CSMD3: variants seen among roughly 807,000 people sequenced by gnomAD.
CSMD3 encodes the protein CUB and sushi domain-containing protein 3.
Under a neutral mutation model 435.2 loss-of-function variants are expected in CSMD3, and 177 were observed. The observed-to-expected ratio is 0.41, with a 90% CI of 0.36 to 0.46. CSMD3 has a LOEUF of 0.46. Among genes scored for constraint, CSMD3 ranks in the 20% least tolerant of loss-of-function variants. The pLI is 0.34. For synonymous variants in CSMD3, 1,656 were observed against 1,520.5 expected, an observed-to-expected ratio of 1.09 and a Z score of -2.07; for missense variants, 4,265 against 4,504.6, an observed-to-expected ratio of 0.95 and a Z score of 1.52.
At chr8:112,496,361 A>G (rs1221238866) in intron 30 of CSMD3, among the ~76,000 whole-genome samples, 2 of 152,242 alleles carry the variant, frequency 1.3e-5, no homozygotes, top group African/African-American at 4.8e-5. Flanking sequence ...GATGTAAATT[A>G]GTACAGCCAC....
intron 1 of CSMD3, among the ~76,000 whole-genome samples, chr8:113,367,990 C>T (rs1365530944): frequency 6.6e-6 from 1 of 152,002 alleles, no homozygotes; most frequent in African/African-American, 2.4e-5. Context: ...GGGCTGAGTC[C>T]TATTGCTACC....
chr8:113,024,265 G>A (rs2086791750), intron 5 of CSMD3, among the ~76,000 whole-genome samples: 1 of 151,204 alleles, frequency 6.6e-6, no homozygotes, highest in South Asian at 2.1e-4. Flanking sequence ...CTTTCTTAAG[G>A]CTGCATAGTA....
At position 112,736,016 on chromosome 8, in the gene CSMD3, C is replaced by T. The variant is rs190013148; in HGVS notation, c.1973-45966G>A. 4.2e-4 allele frequency among the ~76,000 whole-genome samples: 64 copies of T among 152,112 alleles called. 2 individuals carry two copies. Among genetic ancestry groups the T allele is most frequent in the Admixed American group, 3.7e-3 (56 of 15,246 alleles). On this transcript the variant is annotated intron_variant, in intron 13 of 70. Transcript: ENST00000297405. ...AATTTTCAGTTTTATATAGAGAGAG[C>T]TGTGTCCAAGTCCTCTTCTGTTTAA... is the stretch of plus-strand genomic sequence containing the variant.
Position 113,245,586 on chromosome 8 carries a change from C to T in CSMD3, c.514+33006G>A, listed in dbSNP as rs954454966. Among the ~76,000 whole-genome samples, 4 of 152,118 alleles carry T rather than the reference C, an allele frequency of 2.6e-5. No individual in the cohort carries two copies. In the South Asian group the frequency reaches 6.2e-4, roughly 24 times the overall value. On this transcript the variant is annotated intron_variant, in intron 3 of 70. Transcript: ENST00000297405. ...TTGTAATATAAATGACCTCTTCATA[C>T]ATTATATGCCCATTAACAGAGTTTC...
At chr8:112,722,571 G>A (rs569079376) in intron 13 of CSMD3, among the ~76,000 whole-genome samples, 5 of 152,228 alleles carry the variant, frequency 3.3e-5, no homozygotes, top group East Asian at 3.9e-4. Flanking sequence ...CTGTGTGTGC[G>A]TTAGCGTGTG....
chr8:112,772,364 G>A (rs539088557), intron 13 of CSMD3, among the ~76,000 whole-genome samples: 1 of 152,182 alleles, frequency 6.6e-6, no homozygotes, highest in South Asian at 2.1e-4. Flanking sequence ...ATCGATTAAG[G>A]GCTGTGCAGG....
intron 5 of CSMD3, among the ~76,000 whole-genome samples, chr8:113,060,727 G>T (rs1041263803): frequency 6.6e-6 from 1 of 152,030 alleles, no homozygotes; most frequent in South Asian, 2.1e-4. Context: ...AAGCAAAGGG[G>T]TTGTCTCAAA....
At chr8:112,997,785 C>A (rs996137453) in intron 6 of CSMD3, among the ~76,000 whole-genome samples, 1 of 150,650 alleles carries the variant, frequency 6.6e-6, no homozygotes, top group Non-Finnish European at 1.5e-5. Context: ...TTTTTCAAAT[C>A]CATCTTTTAT....
intron 13 of CSMD3, among the ~76,000 whole-genome samples, chr8:112,748,325 T>A (rs1457517071): frequency 6.6e-6 from 1 of 152,164 alleles, no homozygotes; most frequent in Admixed American, 6.5e-5. Context: ...AATCATAATA[T>A]AACAAAACTT....
At chr8:112,304,268 T>C (rs1189775313) in intron 52 of CSMD3, among the ~76,000 whole-genome samples, 1 of 152,066 alleles carries the variant, frequency 6.6e-6, no homozygotes, top group East Asian at 1.9e-4. Context: ...AAACATGATA[T>C]AACATGATAA....
intron 1 of CSMD3, among the ~76,000 whole-genome samples, chr8:113,327,679 C>A (rs142894422): frequency 1.7e-4 from 26 of 152,110 alleles, no homozygotes; most frequent in African/African-American, 5.8e-4. Flanking sequence ...CTTGCATTCC[C>A]CTGGAAAACT....
At chr8:113,083,990 A>G (rs2089662446) in intron 5 of CSMD3, among the ~76,000 whole-genome samples, 1 of 152,200 alleles carries the variant, frequency 6.6e-6, no homozygotes, top group South Asian at 2.1e-4. Flanking sequence ...ATAATAATAA[A>G]GGAAAATTTT....
intron 3 of CSMD3, among the ~76,000 whole-genome samples, chr8:113,260,850 T>C (rs1482224019): frequency 1.3e-5 from 2 of 152,162 alleles, no homozygotes; most frequent in African/African-American, 4.8e-5. Context: ...CTGTGTTAGT[T>C]TGCTGAGAGT....
intron 10 of CSMD3, among the ~76,000 whole-genome samples, chr8:112,888,574 T>A (rs949694255): frequency 2.6e-5 from 4 of 151,684 alleles, no homozygotes; most frequent in African/African-American, 9.7e-5. Flanking sequence ...CCACTCTGAG[T>A]AATTTTAGTT....
At chr8:112,550,263 T>TA (rs1441079207) in intron 27 of CSMD3, among the ~76,000 whole-genome samples, 2 of 151,894 alleles carry the variant, frequency 1.3e-5, no homozygotes, top group Non-Finnish European at 2.9e-5. Flanking sequence ...AGATAATTTT[T>TA]AAAAAACAGG....
At chr8:112,827,712 TAAAG>T (rs1027709957) in intron 12 of CSMD3, among the ~76,000 whole-genome samples, 3 of 152,150 alleles carry the variant, frequency 2.0e-5, no homozygotes, top group Non-Finnish European at 4.4e-5. Flanking sequence ...AATAAATTGA[TAAAG>T]AAAGCAATCC....
At chr8:112,231,980 C>A (rs529248210) in intron 68 of CSMD3, among the ~76,000 whole-genome samples, 1 of 152,280 alleles carries the variant, frequency 6.6e-6, no homozygotes, top group Non-Finnish European at 1.5e-5. Context: ...TACTGTTCCA[C>A]ATCCCCACTC....
chr8:112,876,373 CA>C (rs35536672), intron 10 of CSMD3, among the ~76,000 whole-genome samples: 113,694 of 151,614 alleles, frequency 0.75, 43,383 homozygotes, highest in East Asian at 0.93. Flanking sequence ...AGAGACACAA[CA>C]AAAAAAAAGA....
In CSMD3 at chr8:112,666,315, T is replaced by G. The variant is rs763014782; in HGVS notation, c.2778A>C (p.Glu926Asp). 1 of 1,612,558 alleles carries G rather than the reference T, an allele frequency of 6.2e-7. No homozygotes were observed. The highest frequency in any genetic ancestry group is 1.7e-5 in the Admixed American group (1 of 59,842). ...KDSLNCEWVI[E>D]AEPGHSIKIT... ...TTTTGATAGAGTGTCCAGGTTCAGC[T>G]TCAATCACCCACTCACAATTCAAAG... Residue 926 changes from glutamate (E) to aspartate (D), a missense_variant, in exon 17 of 71, where the codon GAA (glutamate) becomes GAC (aspartate). Physicochemically the swap from Glu to Asp is conservative, Grantham distance 45. This residue lies in a region of CSMD3 where 3,255 missense variants were observed against 3,380.2 expected (regional missense o/e 0.96). Coordinates refer to ENST00000297405, the MANE Select transcript of CSMD3 (RefSeq NM_198123.2).
Sources: allele counts gnomAD v4.1 joint callset (sites outside exome capture counted in the v4.1 genomes callset), GRCh38; gene constraint gnomAD v4.1.1; regional missense constraint gnomAD v4.1.1; transcripts MANE v1.5; gene names NCBI Gene and HGNC (gene_info 2026-07-23, HGNC 2026-07-21).